BMP2: variants seen among roughly 807,000 people sequenced by gnomAD.
BMP2 encodes bone morphogenetic protein 2.
Under a neutral mutation model 28.8 loss-of-function variants are expected in BMP2, and 2 were observed. That is an observed-to-expected ratio of 0.07 (90% CI 0.03 to 0.22). The LOEUF (loss-of-function observed/expected upper bound fraction) is 0.22. Ranked by LOEUF, BMP2 falls within the 10% of genes least tolerant of loss-of-function variation. BMP2 has a pLI of 1.00. For synonymous variants in BMP2, 218 were observed against 204.3 expected, an observed-to-expected ratio of 1.07 and a Z score of -0.57; for missense variants, 437 against 517.7, an observed-to-expected ratio of 0.84 and a Z score of 1.51.
chr20:6,775,809 G>A (rs528850190), intron 2 of BMP2, among the ~76,000 whole-genome samples: 2 of 152,238 alleles, frequency 1.3e-5, no homozygotes, highest in South Asian at 2.1e-4. Context: ...ACGTGTGTGC[G>A]AGAGAGAGAA....
chr20:6,776,651 G>A (rs1320337775), intron 2 of BMP2, among the ~76,000 whole-genome samples: 1 of 152,218 alleles, frequency 6.6e-6, no homozygotes, highest in East Asian at 1.9e-4. Flanking sequence ...TGCATCTGAA[G>A]CTTTACGGTG....
chr20:6,769,070 C>T (rs1319601539), intron 1 of BMP2, among the ~76,000 whole-genome samples, 195 bp downstream of exon 1: 1 of 152,226 alleles, frequency 6.6e-6, no homozygotes, highest in Non-Finnish European at 1.5e-5. Flanking sequence ...TCCCGGCCCG[C>T]ACTCTTCCAC....
At chr20:6,776,587 G>T (rs1443986554) in intron 2 of BMP2, among the ~76,000 whole-genome samples, 1 of 152,220 alleles carries the variant, frequency 6.6e-6, no homozygotes, top group South Asian at 2.1e-4. Context: ...TCCTTGAGGA[G>T]CTGCTAGAAA....
At position 6,767,799 on chromosome 20, in the gene BMP2, G is replaced by T; in HGVS notation, c.-1084G>T. The T allele has an allele frequency of 3.3e-6, 1 of 305,384 alleles. No individual in the cohort carries two copies. Among genetic ancestry groups the T allele is most frequent in the Non-Finnish European group, 6.0e-6 (1 of 167,230 alleles). 18.9% of individuals were successfully genotyped at this position (305,384 alleles called of 1,614,324 possible). The stretch of plus-strand genomic sequence containing the variant: ...CCGCCGGGGACTGGCAGCCGCCGCC[G>T]CACATCTGCCGCCACAGCCTCCGCC... On this transcript the variant is annotated 5_prime_UTR_variant, in exon 1 of 3. Coordinates refer to ENST00000378827, the MANE Select transcript of BMP2 (RefSeq NM_001200.4).
In BMP2 at chr20:6,770,404, C is replaced by T. The variant is rs1986372634; in HGVS notation, c.278C>T (p.Pro93Leu). 6.2e-7 allele frequency: 1 copy of T among 1,611,966 alleles called. No individual in the cohort carries two copies. Residue 93 changes from proline (P) to leucine (L), a missense_variant, in exon 2 of 3, where the codon CCC becomes CTC. Transcript: ENST00000378827. ...YRRHSGQPGS[P>L]APDHRLERAA... ...AGGCACTCAGGTCAGCCGGGCTCAC[C>T]CGCCCCAGACCACCGGTTGGAGAGG...
Position 6,779,085 on chromosome 20 carries a change from G to T in BMP2, c.1187G>T (p.Arg396Leu), listed in dbSNP as rs151019338. 2 of 1,509,100 alleles carry T rather than the reference G, an allele frequency of 1.3e-6. No homozygotes were observed. The highest frequency in any genetic ancestry group is 2.1e-5 in the Admixed American group (1 of 47,780). 93.5% of individuals were successfully genotyped at this position (1,509,100 alleles called of 1,614,324 possible). The change falls in exon 3 of 3, where the codon CGC becomes CTC. Residue 396 changes from arginine to leucine, a missense_variant. Arg to Leu is a moderately radical substitution (Grantham distance 102). Transcript: ENST00000378827. ...QDMVVEGCGCR is the reference protein window; with the variant it reads ...QDMVVEGCGCL ...ATGGTTGTGGAGGGTTGTGGGTGTC[G>T]CTAGTACAGCAAAATTAAATACATA...
intron 2 of BMP2, among the ~76,000 whole-genome samples, chr20:6,774,989 C>T (rs1986470347): frequency 6.6e-6 from 1 of 152,116 alleles, no homozygotes; most frequent in African/African-American, 2.4e-5. Context: ...TTCACTTTCC[C>T]ACATTTTTGC....
chr20:6,770,102 C>T lies in BMP2; in HGVS notation c.-7-18C>T. The T allele has an allele frequency of 2.0e-6, 3 of 1,518,772 alleles. No homozygotes were observed. Among genetic ancestry groups the T allele is most frequent in the Non-Finnish European group, 2.6e-6 (3 of 1,132,534 alleles). 94.1% of individuals were successfully genotyped at this position (1,518,772 alleles called of 1,614,324 possible). On this transcript the variant is annotated intron_variant, in intron 1 of 2. Coordinates refer to ENST00000378827, the MANE Select transcript of BMP2 (RefSeq NM_001200.4). ...CTGGGCGGGGAACTCGGGTGACTCA[C>T]GTCGGTCCTGTCCGCAGGTCGACCA...
At position 6,778,186 on chromosome 20, in the gene BMP2, T is replaced by G; in HGVS notation, c.347-59T>G. ...CTCATAGATAATCAAACGTCATTAC[T>G]TGGCTTACTGAAATTCAGACTTTTC... On this transcript the variant is annotated intron_variant, in intron 2 of 2. Transcript: ENST00000378827. This position sits in a 1 kb window ranked among gnomAD's most constrained non-coding sequence, Gnocchi z 5.0. The G allele has an allele frequency of 6.5e-7, 1 of 1,527,064 alleles. No homozygotes were observed. Among genetic ancestry groups the G allele is most frequent in the Middle Eastern group, 1.8e-4 (1 of 5,512 alleles). The allele number at this position is 1,527,064 out of a possible 1,614,324, so 94.6% of individuals were successfully genotyped here. A position where few individuals can be genotyped will look rare whatever the true frequency, so the allele number is the denominator to read the frequency against.
At position 6,768,841 on chromosome 20, in the gene BMP2, C is replaced by G; in HGVS notation, c.-42C>G. 1 of 387,958 alleles carries G rather than the reference C, an allele frequency of 2.6e-6. No homozygotes were observed. Among genetic ancestry groups the G allele is most frequent in the Non-Finnish European group, 4.5e-6 (1 of 219,852 alleles). The allele number at this position is 387,958 out of a possible 1,614,324, so 24.0% of individuals were successfully genotyped here. ...GACGCTCTTTCAATGGACGTGTCCC[C>G]GCGTGCTTCTTAGACGGACTGCGGT... On this transcript the variant is annotated 5_prime_UTR_variant, in exon 1 of 3. Transcript: ENST00000378827.
intron 1 of BMP2, among the ~76,000 whole-genome samples, chr20:6,769,809 G>A (rs557974165): frequency 6.6e-6 from 1 of 152,244 alleles, no homozygotes; most frequent in Admixed American, 6.5e-5. Context: ...GGCTGTCAGC[G>A]CTGTGTCACA....
chr20:6,775,122 C>T (rs1358010832), intron 2 of BMP2, among the ~76,000 whole-genome samples: 1 of 152,156 alleles, frequency 6.6e-6, no homozygotes, highest in African/African-American at 2.4e-5. Flanking sequence ...TTACAGAAAA[C>T]TAGCAATTGT....
intron 2 of BMP2, among the ~76,000 whole-genome samples, chr20:6,771,030 CGTGGGAGATCAATACT>C (rs369789282): frequency 2.5e-3 from 383 of 152,258 alleles, no homozygotes; most frequent in African/African-American, 8.1e-3. Context: ...ATCTAATCCC[CGTGGGAGATCAATACT>C]ACAATCAATC....
chr20:6,775,356 G>A (rs570681484), intron 2 of BMP2, among the ~76,000 whole-genome samples: 1 of 152,272 alleles, frequency 6.6e-6, no homozygotes, highest in East Asian at 1.9e-4. Flanking sequence ...GGGTTTGAGG[G>A]TTTCTGTGAA....
At chr20:6,774,127 C>T (rs1016458809) in intron 2 of BMP2, among the ~76,000 whole-genome samples, 16 of 152,074 alleles carry the variant, frequency 1.1e-4, no homozygotes, top group Admixed American at 3.9e-4. Context: ...AGAACTCACC[C>T]AATGTTATCA....
At chr20:6,770,043 G>A in intron 1 of BMP2, 77 bp from the exon 2 acceptor site, 1 of 1,422,918 alleles carries the variant, frequency 7.0e-7, no homozygotes, top group Non-Finnish European at 9.4e-7. Flanking sequence ...CAGCCAAATG[G>A]GAGACCGGGC....
At position 6,767,930 on chromosome 20, in the gene BMP2, C is replaced by T; in HGVS notation, c.-953C>T. On this transcript the variant is annotated 5_prime_UTR_variant, in exon 1 of 3. Coordinates refer to ENST00000378827, the MANE Select transcript of BMP2 (RefSeq NM_001200.4). ...GGGCTGGAGCACCCGGCAGAGCGCG[C>T]CACAGCGCCGTGGCCTCTGCTGCCC... 2.6e-6 allele frequency: 1 copy of T among 390,232 alleles called. No homozygotes were observed. The highest frequency in any genetic ancestry group is 4.5e-6 in the Non-Finnish European group (1 of 220,880). The allele number at this position is 390,232 out of a possible 1,614,324, so 24.2% of individuals were successfully genotyped here. A position where few individuals can be genotyped will look rare whatever the true frequency, so the allele number is the denominator to read the frequency against.
rs577398067 is a variant in BMP2, at chr20:6,768,410, G to A, written c.-473G>A. On this transcript the variant is annotated 5_prime_UTR_variant, in exon 1 of 3. Coordinates refer to ENST00000378827, the MANE Select transcript of BMP2 (RefSeq NM_001200.4). ...GCGGAGCGCCCGACCCTCGACCCCC[G>A]AGTCCCGGAGCCGGCCCCGCGCGGG... 5.6e-5 allele frequency: 22 copies of A among 393,988 alleles called. No homozygotes were observed. The Admixed American group carries it at 7.5e-4, about 13-fold the overall frequency. 24.4% of individuals were successfully genotyped at this position (393,988 alleles called of 1,614,324 possible). A position where few individuals can be genotyped will look rare whatever the true frequency, so the allele number is the denominator to read the frequency against.
intron 2 of BMP2, among the ~76,000 whole-genome samples, chr20:6,777,179 A>T (rs919620513): frequency 6.6e-6 from 1 of 152,182 alleles, no homozygotes; most frequent in Non-Finnish European, 1.5e-5. Flanking sequence ...GGAGAATAAT[A>T]CTTCTTAAAA....
Sources: gnomAD v4.1 joint callset for allele counts (sites outside exome capture counted in the v4.1 genomes callset) on GRCh38, gnomAD v4.1.1 for gene constraint, Gnocchi (gnomAD v3.1) non-coding constraint, MANE v1.5 for transcripts, NCBI Gene and HGNC (gene_info 2026-07-23, HGNC 2026-07-21) for gene names.